PARP10: variants seen among roughly 807,000 people sequenced by gnomAD.
The protein encoded by PARP10 is protein mono-ADP-ribosyltransferase PARP10.
PARP10 carries 56 observed loss-of-function variants against 82.4 expected under a neutral mutation model. The observed-to-expected ratio is 0.68, with a 90% confidence interval of 0.55 to 0.85. PARP10 has a LOEUF of 0.85. Ranked by LOEUF, PARP10 falls within the 40% of genes least tolerant of loss-of-function variation. The pLI, the probability that PARP10 is intolerant of heterozygous loss-of-function variation, is 0.00. For missense variants in PARP10, 1,227 were observed against 1,379.4 expected (o/e 0.89, Z 1.75); for synonymous variants, 576 against 601.1 (o/e 0.96, Z 0.61).
chr8:144,009,508 G>A (rs1288253449), intron 1 of PARP10, among the ~76,000 whole-genome samples: 2 of 151,992 alleles, frequency 1.3e-5, no homozygotes, highest in Admixed American at 6.6e-5. Context: ...TCTCTCATTC[G>A]TTCCCCATTC....
chr8:143,981,045 C>G (rs558638804), intron 9 of PARP10, among the ~76,000 whole-genome samples: 1 of 149,608 alleles, frequency 6.7e-6, no homozygotes, highest in African/African-American at 2.5e-5. Flanking sequence ...CTAAAGCTGT[C>G]AAGTGAAAAA....
upstream of PARP10, chr8:143,992,242 C>A: frequency 6.2e-7 from 1 of 1,603,948 alleles, no homozygotes. Context: ...CTCCCAACTG[C>A]AGTCGGTCCT....
chr8:143,988,063 C>T (rs1436698299), upstream of PARP10, among the ~76,000 whole-genome samples: 1 of 150,402 alleles, frequency 6.6e-6, no homozygotes, highest in Admixed American at 6.6e-5. Flanking sequence ...CCTCAGTAGC[C>T]TGGGACTGGC....
exon 1 of PARP10, chr8:144,012,670 G>C (rs531830693): frequency 9.0e-6 from 14 of 1,551,592 alleles, no homozygotes; most frequent in Admixed American, 2.0e-5. Flanking sequence ...GGCATCAGCG[G>C]GTTCACGAGT....
At chr8:143,984,460 G>A (rs975354767) in intron 5 of PARP10, 29 bp from the exon 6 acceptor site, 2 of 1,598,050 alleles carry the variant, frequency 1.3e-6, no homozygotes, top group African/African-American at 2.7e-5. Context: ...GATGGAGTTT[G>A]CAGGTTTAGA....
intron 1 of PARP10, among the ~76,000 whole-genome samples, chr8:144,000,937 G>A (rs1346217813): frequency 1.4e-4 from 19 of 132,466 alleles, no homozygotes; most frequent in African/African-American, 5.1e-4. Context: ...TTTTTGAGAC[G>A]GAGTCTCGCT....
chr8:143,986,482 G>T, upstream of PARP10: 1 of 1,530,638 alleles, frequency 6.5e-7, no homozygotes, highest in South Asian at 1.1e-5. Context: ...ACGGAAGGAG[G>T]GAGGGAGCAG....
chr8:143,980,318 TCAAAAAAAAAAAA>T (rs1358771052), intron 9 of PARP10, among the ~76,000 whole-genome samples: 656 of 15,666 alleles, frequency 0.042, 12 homozygotes, highest in African/African-American at 0.083. Context: ...AGATTCCGTC[TCAAAAAAAAAAAA>T]AAAAAAAAAA....
intron 9 of PARP10, among the ~76,000 whole-genome samples, chr8:143,979,391 A>T (rs997086810): frequency 6.6e-6 from 1 of 152,218 alleles, no homozygotes; most frequent in Non-Finnish European, 1.5e-5. Flanking sequence ...ATGGGGGGAT[A>T]TTTTTTAACT....
At chr8:143,987,609 G>A (rs1226708254), upstream of PARP10, among the ~76,000 whole-genome samples, 1 of 152,184 alleles carries the variant, frequency 6.6e-6, no homozygotes, top group Non-Finnish European at 1.5e-5. Flanking sequence ...CAAAGTCCTG[G>A]GGGCCGGGCG....
rs995823314 is a variant in PARP10 at position 144,008,340 on chromosome 8, T to C, written c.-80+4190A>G. ...AAGACGGCTTCAGAAGGAAACTTAT[T>C]AAACACGCAGAGAATCCCAAGCCAA... On this transcript the variant is annotated intron_variant, in intron 1 of 3. Coordinates refer to the PARP10 transcript ENST00000530478. This position sits in a 1 kb window ranked among gnomAD's most constrained non-coding sequence, Gnocchi z 4.0. Among the ~76,000 whole-genome samples the C allele has an allele frequency of 1.3e-4, 20 of 152,250 alleles. No individual in the cohort carries two copies. The highest frequency in any genetic ancestry group is 4.8e-4 in the African/African-American group (20 of 41,528).
At chr8:144,012,649 C>T in exon 1 of PARP10, 1 of 1,551,720 alleles carries the variant, frequency 6.4e-7, no homozygotes, top group Admixed American at 2.0e-5. Flanking sequence ...AAGACTCAGG[C>T]AGGCGGGCTC....
Position 143,983,440 on chromosome 8 carries a change from GC to G in PARP10, c.2148del (p.Glu716AspfsTer45). On this transcript the variant is annotated frameshift_variant, in exon 8 of 11. Transcript: ENST00000313028. LOFTEE classifies it high-confidence loss of function. ...GCCCGGTCCAGCTCCTCCACATCCT[GC>G]TCAAAGGCCGAGTGCACCACCAGCT... ...KAQLVVHSAF[E>X]QDVEELDRAL... The G allele has an allele frequency of 1.2e-6, 2 of 1,605,542 alleles. No individual in the cohort carries two copies. Among genetic ancestry groups the G allele is most frequent in the Non-Finnish European group, 1.7e-6 (2 of 1,179,332 alleles).
chr8:143,977,554 G>T lies in PARP10; in HGVS notation c.3008C>A (p.Thr1003Asn). The T allele has an allele frequency of 6.4e-7, 1 of 1,569,470 alleles. No individual in the cohort carries two copies. The highest frequency in any genetic ancestry group is 8.6e-7 in the Non-Finnish European group (1 of 1,157,680). The change falls in exon 11 of 11, where the codon ACC becomes AAC. Residue 1003 changes from threonine to asparagine, a missense_variant. Thr to Asn is a moderately conservative substitution (Grantham distance 65). Coordinates refer to ENST00000313028, the MANE Select transcript of PARP10 (RefSeq NM_032789.5). Reference protein sequence around the residue: ...DTQALPTHLITCEHVPRASPD... With the variant: ...DTQALPTHLINCEHVPRASPD... ...GGAAGCGCGGGGCACGTGCTCGCAG[G>T]TGATGAGGTGGGTGGGCAGCGCCTG...
In PARP10 at chr8:143,983,281, T is replaced by C. The variant is rs1554748163; in HGVS notation, c.2308A>G (p.Ile770Val). 6.2e-7 allele frequency: 1 copy of C among 1,612,990 alleles called. No homozygotes were observed. Among genetic ancestry groups the C allele is most frequent in the Non-Finnish European group, 8.5e-7 (1 of 1,179,804 alleles). The part of the protein sequence containing the change: ...VSVALRGDCT[I>V]LRGFGAHPAR... ...GGGTGGGCCCCGAAGCCACGGAGGA[T>C]GGTGCAGTCACCACGCAGGGCAACA... The change falls in exon 8 of 11, where the codon ATC becomes GTC. Residue 770 changes from isoleucine to valine, a missense_variant. Physicochemically the swap from Ile to Val is conservative, Grantham distance 29 (BLOSUM62 3). Coordinates refer to ENST00000313028, the MANE Select transcript of PARP10 (RefSeq NM_032789.5).
At position 143,985,086 on chromosome 8, in the gene PARP10, C is replaced by T. The variant is rs1190842877; in HGVS notation, c.916G>A (p.Ala306Thr). The stretch of plus-strand genomic sequence containing the variant: ...ACCATGGGACCTGTCCTCAGAGAGG[C>T]CCCTGACTGCCCTGGTTCCTCGCCA... ...GSGEEPGQSGASLRTGPMVQG... is the reference protein window; with the variant it reads ...GSGEEPGQSGTSLRTGPMVQG... Residue 306 changes from alanine (A) to threonine (T), a missense_variant, in exon 5 of 11, where the codon GCC becomes ACC. Ala to Thr is a moderately conservative substitution (Grantham distance 58). Coordinates refer to ENST00000313028, the MANE Select transcript of PARP10 (RefSeq NM_032789.5). 4 of 1,613,826 alleles carry T rather than the reference C, an allele frequency of 2.5e-6. No individual in the cohort carries two copies. Among genetic ancestry groups the T allele is most frequent in the Non-Finnish European group, 3.4e-6 (4 of 1,179,944 alleles).
upstream of PARP10, chr8:143,986,506 G>T: frequency 7.8e-7 from 1 of 1,276,614 alleles, no homozygotes; most frequent in South Asian, 1.3e-5. Context: ...GGCCCTGGGC[G>T]CTGAGGCCTG....
chr8:144,012,076 G>A (rs1257322245), intron 1 of PARP10, among the ~76,000 whole-genome samples: 2 of 152,202 alleles, frequency 1.3e-5, no homozygotes, highest in East Asian at 1.9e-4. Flanking sequence ...TTCCAGGAAC[G>A]TGTTACAATC....
Position 143,984,529 on chromosome 8 carries a change from T to C in PARP10, c.1458+15A>G. On this transcript the variant is annotated intron_variant, in intron 5 of 10. Coordinates refer to ENST00000313028, the MANE Select transcript of PARP10 (RefSeq NM_032789.5). ...GGAGGGGGCTGAAGGTGAGGAGTCC[T>C]GAGGGGTCACTCACCCGAAAGCCAG... 6.2e-7 allele frequency: 1 copy of C among 1,602,858 alleles called. No homozygotes were observed. Among genetic ancestry groups the C allele is most frequent in the Non-Finnish European group, 8.5e-7 (1 of 1,174,960 alleles).
Sources: gnomAD v4.1 joint callset for allele counts (sites outside exome capture counted in the v4.1 genomes callset) on GRCh38, gnomAD v4.1.1 for gene constraint, Gnocchi (gnomAD v3.1) non-coding constraint, MANE v1.5 for transcripts, NCBI Gene and HGNC (gene_info 2026-07-23, HGNC 2026-07-21) for gene names.